Variants in SLF1 observed in about 807,000 individuals in gnomAD.
SLF1 encodes the protein SMC5-SMC6 complex localization factor protein 1.
Under a neutral mutation model 123.0 loss-of-function variants are expected in SLF1, and 105 were observed. The ratio of observed to expected loss-of-function variants is 0.85; its 90% CI spans 0.73 to 1.00. SLF1 has a LOEUF of 1.00. Ranked by LOEUF, SLF1 falls within the 50% of genes least tolerant of loss-of-function variation. SLF1 has a pLI of 0.00. For missense variants in SLF1, 1,239 were observed against 1,223.0 expected, an observed-to-expected ratio of 1.01 and a Z score of -0.20; for synonymous variants, 434 against 406.6, an observed-to-expected ratio of 1.07 and a Z score of -0.81.
chr5:94,687,640 C>A (rs1427384775), intron 16 of SLF1, among the ~76,000 whole-genome samples: 1 of 152,018 alleles, frequency 6.6e-6, no homozygotes, highest in Non-Finnish European at 1.5e-5. Flanking sequence ...GCAGCAGTGA[C>A]CTGTGATAAC....
chr5:94,678,807 G>C lies in SLF1; in HGVS notation c.1828-1G>C. On this transcript the variant is annotated splice_acceptor_variant, in intron 14 of 20. Coordinates refer to ENST00000265140, the MANE Select transcript of SLF1 (RefSeq NM_032290.4). LOFTEE classifies it high-confidence loss of function. ...GTAATTTTTTTGTATCTTAATGTTA[G>C]GTCTTCAAACATGAACTAGCTTACT... The C allele has an allele frequency of 6.2e-7, 1 of 1,608,814 alleles. No individual in the cohort carries two copies. Among genetic ancestry groups the C allele is most frequent in the Non-Finnish European group, 8.5e-7 (1 of 1,176,658 alleles).
At chr5:94,684,568 A>G (rs966095712) in intron 15 of SLF1, among the ~76,000 whole-genome samples, 8 of 151,662 alleles carry the variant, frequency 5.3e-5, no homozygotes, top group Admixed American at 3.9e-4. Context: ...CGTGGTGGCG[A>G]GCACCTCTAG....
intron 4 of SLF1, among the ~76,000 whole-genome samples, chr5:94,639,037 C>CTTTTTTT (rs764031689): frequency 0.011 from 947 of 88,990 alleles, 41 homozygotes; most frequent in African/African-American, 0.014. Context: ...CTTTTCTTCC[C>CTTTTTTT]TTTTTTTTTT....
chr5:94,670,857 C>T lies in SLF1; in HGVS notation c.1676C>T (p.Ser559Leu), dbSNP rs1033595465. The T allele has an allele frequency of 2.6e-6, 4 of 1,548,906 alleles. No homozygotes were observed. The highest frequency in any genetic ancestry group is 3.5e-6 in the Non-Finnish European group (4 of 1,145,256). The change falls in exon 14 of 21, where the codon TCA becomes TTA. Residue 559 changes from serine to leucine, a missense_variant. Ser to Leu is a moderately radical substitution (Grantham distance 145, BLOSUM62 -2). Transcript: ENST00000265140. The stretch of plus-strand genomic sequence containing the variant: ...ATTTTAATTAGGTTGTATGACTGGT[C>T]AGATTCTCAGAATCTGAAAATAACA... ...QHLSQKLYDW[S>L]DSQNLKITGK...
chr5:94,641,354 A>C (rs56242961), intron 4 of SLF1, among the ~76,000 whole-genome samples: 33,936 of 152,020 alleles, frequency 0.22, 3,925 homozygotes, highest in East Asian at 0.35. Flanking sequence ...TCTTCATGGG[A>C]TGATGCAGCA....
intron 11 of SLF1, among the ~76,000 whole-genome samples, chr5:94,664,143 T>G (rs1749469148): frequency 6.6e-6 from 1 of 152,218 alleles, no homozygotes; most frequent in South Asian, 2.1e-4. Flanking sequence ...AATTTTGTTT[T>G]GGGGAAAAAG....
chr5:94,652,504 A>G (rs1344524438), intron 7 of SLF1, among the ~76,000 whole-genome samples: 1 of 152,178 alleles, frequency 6.6e-6, no homozygotes, highest in Non-Finnish European at 1.5e-5. Flanking sequence ...TTCTTTTGCT[A>G]ATGTATATAA....
chr5:94,656,755 T>C (rs141217856), intron 9 of SLF1, among the ~76,000 whole-genome samples: 22 of 152,022 alleles, frequency 1.4e-4, no homozygotes, highest in African/African-American at 5.3e-4. Context: ...AGTTTTCTGA[T>C]TCGTTGGTGT....
intron 10 of SLF1, 63 bp downstream of exon 10, chr5:94,662,414 G>C (rs1749228196): frequency 8.7e-7 from 1 of 1,150,590 alleles, no homozygotes; most frequent in Non-Finnish European, 1.2e-6. Flanking sequence ...TTTGTTATTA[G>C]TTATTTTGAA....
At chr5:94,662,401 T>C in intron 10 of SLF1, 50 bp downstream of exon 10, 1 of 1,436,774 alleles carries the variant, frequency 7.0e-7, no homozygotes. Flanking sequence ...AGAAGTTTTG[T>C]GTTTTGTTAT....
chr5:94,635,705 T>C (rs1745693164), intron 4 of SLF1, among the ~76,000 whole-genome samples: 8 of 152,146 alleles, frequency 5.3e-5, no homozygotes, highest in Admixed American at 5.2e-4. Flanking sequence ...ACATTTACTC[T>C]CCCCCATTTT....
chr5:94,690,526 C>G (rs1585243466), intron 18 of SLF1, among the ~76,000 whole-genome samples: 1 of 151,992 alleles, frequency 6.6e-6, no homozygotes, highest in East Asian at 1.9e-4. Flanking sequence ...TTAGGCAGAA[C>G]AGCAGAAGGA....
At chr5:94,661,641 TCTC>T (rs1749129202) in intron 9 of SLF1, among the ~76,000 whole-genome samples, 1 of 151,908 alleles carries the variant, frequency 6.6e-6, no homozygotes, top group Non-Finnish European at 1.5e-5. Flanking sequence ...TTCAAGCAAT[TCTC>T]CTGCCTCAGC....
rs530754398 is a variant in SLF1 at position 94,686,066 on chromosome 5, G to A, written c.1976-507G>A. 2.6e-5 allele frequency among the ~76,000 whole-genome samples: 4 copies of A among 151,730 alleles called. No homozygotes were observed. In the South Asian group the frequency reaches 8.4e-4, roughly 32 times the overall value. On this transcript the variant is annotated intron_variant, in intron 15 of 20. Coordinates refer to ENST00000265140, the MANE Select transcript of SLF1 (RefSeq NM_032290.4). Reference sequence around the variant, plus strand: ...TTCATGTTTTTCTTCTTTACCTTGTGCCTTTCCTCCTTTTCTGCAGTGATA... The same window carrying A: ...TTCATGTTTTTCTTCTTTACCTTGTACCTTTCCTCCTTTTCTGCAGTGATA...
Position 94,697,431 on chromosome 5 carries a change from A to G in SLF1, c.*2119A>G, listed in dbSNP as rs1194745043. 1 of 151,966 alleles carries G rather than the reference A, an allele frequency of 6.6e-6. No individual in the cohort carries two copies. The highest frequency in any genetic ancestry group is 2.4e-5 in the African/African-American group (1 of 41,408). 9.4% of individuals were successfully genotyped at this position (151,966 alleles called of 1,614,324 possible). A position where few individuals can be genotyped will look rare whatever the true frequency, so the allele number is the denominator to read the frequency against. ...TCTCAATAAGTAAAGTATAATTCAT[A>G]GTCTTAGTCCTAGATTTTCAATGGC... On this transcript the variant is annotated 3_prime_UTR_variant, in exon 21 of 21. Coordinates refer to ENST00000265140, the MANE Select transcript of SLF1 (RefSeq NM_032290.4).
intron 20 of SLF1, among the ~76,000 whole-genome samples, chr5:94,693,568 A>G (rs968974774): frequency 6.6e-6 from 1 of 152,008 alleles, no homozygotes; most frequent in Non-Finnish European, 1.5e-5. Flanking sequence ...TGGCAGTCGT[A>G]CAGACTTGTT....
At chr5:94,691,198 C>T (rs1753019948) in intron 18 of SLF1, 1 of 205,570 alleles carries the variant, frequency 4.9e-6, no homozygotes, top group African/African-American at 2.4e-5. Context: ...CAATTGCACT[C>T]TAAACTTTTA....
At chr5:94,665,548 A>G (rs1002108289) in intron 11 of SLF1, among the ~76,000 whole-genome samples, 2 of 152,196 alleles carry the variant, frequency 1.3e-5, no homozygotes, top group African/African-American at 4.8e-5. Context: ...CGGGAGTTCA[A>G]GACTAGCCTG....
chr5:94,691,700 T>A, intron 19 of SLF1, 44 bp downstream of exon 19: 2 of 1,412,854 alleles, frequency 1.4e-6, no homozygotes, highest in Non-Finnish European at 1.9e-6. Context: ...TCTTAATATT[T>A]GTGATATTAA....
Sources: allele counts gnomAD v4.1 joint callset (sites outside exome capture counted in the v4.1 genomes callset), GRCh38; gene constraint gnomAD v4.1.1; transcripts MANE v1.5; gene names NCBI Gene and HGNC (gene_info 2026-07-23, HGNC 2026-07-21).